The following FREM1 variants were observed in gnomAD, a reference collection of about 807,000 sequenced individuals.
FREM1 encodes the protein FRAS1 related extracellular matrix 1.
Under a neutral mutation model 210.1 loss-of-function variants are expected in FREM1, and 220 were observed. That is an observed-to-expected ratio of 1.05 (90% CI 0.94 to 1.17). FREM1 has a LOEUF of 1.17. Among genes scored for constraint, FREM1 ranks in the 50% most tolerant of loss-of-function variants. FREM1 has a pLI of 0.00. For synonymous variants in FREM1, 1,189 were observed against 980.2 expected (o/e 1.21, Z -3.98); for missense variants, 3,454 against 2,675.5 (o/e 1.29, Z -6.42).
At chr9:14,849,310 A>T (rs1827241058) in intron 6 of FREM1, among the ~76,000 whole-genome samples, 1 of 152,250 alleles carries the variant, frequency 6.6e-6, no homozygotes, top group Non-Finnish European at 1.5e-5. Flanking sequence ...CAATTGTCGT[A>T]CTGCTACTAT....
intron 18 of FREM1, among the ~76,000 whole-genome samples, chr9:14,805,396 C>T (rs1021403580): frequency 3.3e-5 from 5 of 152,178 alleles, no homozygotes; most frequent in Non-Finnish European, 7.3e-5. Context: ...TACTTTTTAA[C>T]CAGTATGCAC....
chr9:14,887,477 T>C (rs1293900983), intron 1 of FREM1, among the ~76,000 whole-genome samples: 1 of 152,200 alleles, frequency 6.6e-6, no homozygotes, highest in African/African-American at 2.4e-5. Context: ...GATTCTTCTC[T>C]TTCAAGAAGC....
At chr9:14,806,532 G>A (rs1326719052) in intron 18 of FREM1, 129 bp downstream of exon 18, 2 of 637,884 alleles carry the variant, frequency 3.1e-6, no homozygotes, top group South Asian at 1.9e-5. Flanking sequence ...GGGATTACAG[G>A]CATCAGCCAC....
At chr9:14,778,732 A>C in intron 24 of FREM1, among the ~76,000 whole-genome samples, 1 of 129,766 alleles carries the variant, frequency 7.7e-6, no homozygotes, top group East Asian at 2.7e-4. Flanking sequence ...AGGGAAGGGA[A>C]GGGAAGGGAA....
chr9:14,745,004 A>G, intron 35 of FREM1, among the ~76,000 whole-genome samples: 1 of 152,198 alleles, frequency 6.6e-6, no homozygotes, highest in East Asian at 1.9e-4. Context: ...ATCTGTAGCA[A>G]ACTAATGCAG....
chr9:14,787,846 G>T (rs1850653973), intron 23 of FREM1, among the ~76,000 whole-genome samples: 2 of 152,126 alleles, frequency 1.3e-5, no homozygotes, highest in South Asian at 4.1e-4. Context: ...TGCAGGGAGA[G>T]ATAAATGTGT....
chr9:14,746,841 T>C, intron 34 of FREM1, 82 bp downstream of exon 34: 26 of 1,464,512 alleles, frequency 1.8e-5, no homozygotes, highest in Non-Finnish European at 2.3e-5. Context: ...GGTTGAGTCA[T>C]GCACCAGATG....
At chr9:14,865,745 G>A (rs1050775329) in intron 2 of FREM1, among the ~76,000 whole-genome samples, 4 of 150,696 alleles carry the variant, frequency 2.7e-5, no homozygotes, top group Admixed American at 1.3e-4. Context: ...CATAAGGAAC[G>A]AACCCCTAGG....
At chr9:14,864,289 T>C (rs945935994) in intron 2 of FREM1, among the ~76,000 whole-genome samples, 7 of 152,246 alleles carry the variant, frequency 4.6e-5, no homozygotes, top group Admixed American at 3.9e-4. Flanking sequence ...TTTCTGTGTG[T>C]CTGCATGAAA....
chr9:14,895,912 A>G (rs1444947822), intron 1 of FREM1, among the ~76,000 whole-genome samples: 1 of 152,118 alleles, frequency 6.6e-6, no homozygotes, highest in African/African-American at 2.4e-5. Flanking sequence ...ATTCTCTTAT[A>G]AAAGGGAGGG....
rs775053418 is a variant in FREM1 at position 14,769,836 on chromosome 9, C to A, written c.5092G>T (p.Asp1698Tyr). The change falls in exon 27 of 37, where the codon GAC becomes TAC. Residue 1698 changes from aspartate to tyrosine, a missense_variant. Physicochemically the swap from Asp to Tyr is radical, Grantham distance 160. Coordinates refer to ENST00000380880, the MANE Select transcript of FREM1 (RefSeq NM_001379081.2). ...TAAAGAATAGTCTTACTGTTTAAGT[C>A]CTTTTGGCTAAATTTCTCATGGATA... ...EFIHEKFSQK[D>Y]LNSKTILYII... The A allele has an allele frequency of 9.5e-6, 15 of 1,576,790 alleles. No homozygotes were observed. Among genetic ancestry groups the A allele is most frequent in the Non-Finnish European group, 1.2e-5 (14 of 1,159,530 alleles).
At chr9:14,846,125 A>G (rs1323562319) in intron 7 of FREM1, 34 bp from the exon 8 acceptor site, 1 of 1,513,642 alleles carries the variant, frequency 6.6e-7, no homozygotes, top group African/African-American at 1.4e-5. Context: ...TGTTGGTATC[A>G]TAGACTGGAT....
intron 1 of FREM1, among the ~76,000 whole-genome samples, chr9:14,895,442 T>G (rs763138449): frequency 6.6e-6 from 1 of 152,162 alleles, no homozygotes; most frequent in Non-Finnish European, 1.5e-5. Flanking sequence ...CCAGTGATCT[T>G]TGGCTGCTGC....
chr9:14,744,994 A>T (rs906103330), intron 35 of FREM1, among the ~76,000 whole-genome samples: 2 of 152,212 alleles, frequency 1.3e-5, no homozygotes, highest in African/African-American at 4.8e-5. Flanking sequence ...GGGGGTCATT[A>T]TCTGTAGCAA....
intron 25 of FREM1, chr9:14,774,154 C>T (rs761268155): frequency 3.9e-6 from 2 of 518,792 alleles, no homozygotes; most frequent in Admixed American, 3.9e-5. Context: ...AAGGACTCAT[C>T]CAGCATCCAC....
chr9:14,881,363 C>G (rs557249813), intron 1 of FREM1, among the ~76,000 whole-genome samples: 1 of 152,170 alleles, frequency 6.6e-6, no homozygotes, highest in South Asian at 2.1e-4. Context: ...CTTTTACAGC[C>G]AATCTGGGTA....
In FREM1 at chr9:14,825,316, C is replaced by G. The variant is rs181949637; in HGVS notation, c.1882-324G>C. On this transcript the variant is annotated intron_variant, in intron 10 of 36. Coordinates refer to ENST00000380880, the MANE Select transcript of FREM1 (RefSeq NM_001379081.2). ...CAGCCTGGCCAACATAGTGAAACCC[C>G]GTCTCTACGAAAAATTCAAAAATTA... Among the ~76,000 whole-genome samples the G allele has an allele frequency of 4.4e-3, 672 of 151,292 alleles. 4 individuals are homozygous for G. Among genetic ancestry groups the G allele is most frequent in the African/African-American group, 0.013 (524 of 41,254 alleles).
intron 24 of FREM1, among the ~76,000 whole-genome samples, chr9:14,779,742 C>A (rs759510904): frequency 6.6e-6 from 1 of 152,150 alleles, no homozygotes; most frequent in Non-Finnish European, 1.5e-5. Context: ...GGCACGCGGG[C>A]CACAGACCAC....
intron 18 of FREM1, among the ~76,000 whole-genome samples, chr9:14,805,525 C>T (rs1024352950): frequency 3.9e-5 from 6 of 152,182 alleles, no homozygotes; most frequent in African/African-American, 9.7e-5. Context: ...AGACCACCTC[C>T]GTCACGTAAA....
Sources: allele counts gnomAD v4.1 joint callset (sites outside exome capture counted in the v4.1 genomes callset), GRCh38; gene constraint gnomAD v4.1.1; transcripts MANE v1.5; gene names NCBI Gene and HGNC (gene_info 2026-07-23, HGNC 2026-07-21).